BCKDHB: variants seen among roughly 807,000 people sequenced by gnomAD.
The protein encoded by BCKDHB is branched chain keto acid dehydrogenase E1 subunit beta.
In BCKDHB, 41 loss-of-function variants were observed where a neutral mutation model predicts 48.5. That is an observed-to-expected ratio of 0.85 (90% CI 0.66 to 1.10). BCKDHB has a LOEUF of 1.10. Among genes scored for constraint, BCKDHB ranks in the 50% least tolerant of loss-of-function variants. The pLI is 0.00. For missense variants in BCKDHB, 496 were observed against 494.2 expected, an observed-to-expected ratio of 1.00 and a Z score of -0.03; for synonymous variants, 201 against 174.8, an observed-to-expected ratio of 1.15 and a Z score of -1.18.
chr6:80,411,640 A>G, the BCKDHB span, among the ~76,000 whole-genome samples: 1 of 152,150 alleles, frequency 6.6e-6, no homozygotes, highest in Non-Finnish European at 1.5e-5. Flanking sequence ...CTTCCTGGCC[A>G]CCTTGTTTAC....
the BCKDHB span, among the ~76,000 whole-genome samples, chr6:80,456,219 A>G: frequency 9.9e-5 from 15 of 151,972 alleles, no homozygotes; most frequent in South Asian, 2.7e-3. Flanking sequence ...CCATCTCAAA[A>G]AAAGAAAGAA....
At chr6:80,400,606 A>G in the BCKDHB span, among the ~76,000 whole-genome samples, 3 of 151,902 alleles carry the variant, frequency 2.0e-5, no homozygotes, top group African/African-American at 4.8e-5. Flanking sequence ...AAGGGAACAC[A>G]TATACTGTTG....
chr6:80,449,172 A>G, the BCKDHB span, among the ~76,000 whole-genome samples: 1 of 152,218 alleles, frequency 6.6e-6, no homozygotes, highest in Non-Finnish European at 1.5e-5. Flanking sequence ...TCTAGAACAG[A>G]TTCCTCCTCT....
At chr6:80,126,936 C>T (rs998220115) in intron 1 of BCKDHB, among the ~76,000 whole-genome samples, 3 of 152,092 alleles carry the variant, frequency 2.0e-5, no homozygotes, top group Admixed American at 6.6e-5. Flanking sequence ...ATTACATGTA[C>T]TGCTTCATTT....
the BCKDHB span, among the ~76,000 whole-genome samples, chr6:80,403,191 G>A: frequency 8.6e-5 from 13 of 151,620 alleles, no homozygotes; most frequent in Non-Finnish European, 1.8e-4. Context: ...AGATCACTTT[G>A]TGTGGCCATT....
At chr6:80,443,402 T>C in the BCKDHB span, 1 of 141,852 alleles carries the variant, frequency 7.0e-6, no homozygotes, top group Non-Finnish European at 1.5e-5. Context: ...ACTCTCTTTT[T>C]TCCTTGAATG....
intron 3 of BCKDHB, among the ~76,000 whole-genome samples, chr6:80,162,876 G>GA (rs1772386586): frequency 2.6e-5 from 4 of 151,698 alleles, no homozygotes; most frequent in Admixed American, 2.6e-4. Flanking sequence ...AAACTCTCTT[G>GA]ACCCCATATT....
the BCKDHB span, among the ~76,000 whole-genome samples, chr6:80,386,983 C>T: frequency 2.6e-5 from 4 of 151,672 alleles, no homozygotes; most frequent in African/African-American, 7.3e-5. Context: ...TTCTCCCATC[C>T]CCCCCCAAGG....
chr6:80,432,304 A>G, the BCKDHB span, among the ~76,000 whole-genome samples: 1 of 152,032 alleles, frequency 6.6e-6, no homozygotes, highest in Non-Finnish European at 1.5e-5. Context: ...CTGCCCATCA[A>G]TTTCAGGTAC....
At chr6:80,331,027 A>G (rs1238220496) in intron 9 of BCKDHB, among the ~76,000 whole-genome samples, 3 of 152,174 alleles carry the variant, frequency 2.0e-5, no homozygotes, top group Non-Finnish European at 2.9e-5. Context: ...GTATATTTCT[A>G]TCTTGAAACT....
chr6:80,297,982 T>TC lies in BCKDHB; in HGVS notation c.1038+24766dup, dbSNP rs1260748599. Among the ~76,000 whole-genome samples, 35 of 151,604 alleles carry TC rather than the reference T, an allele frequency of 2.3e-4. No homozygotes were observed. In the South Asian group the frequency reaches 2.7e-3, roughly 12 times the overall value. On this transcript the variant is annotated intron_variant, in intron 9 of 9. Transcript: ENST00000320393. ...TGAGAAAAACAGAGGATTTTTTTTT[T>TC]CCCCCAAAATAGGGTCTGTGCTGCC...
At chr6:80,429,158 G>T in the BCKDHB span, among the ~76,000 whole-genome samples, 3 of 152,112 alleles carry the variant, frequency 2.0e-5, no homozygotes, top group African/African-American at 4.8e-5. Context: ...TTTGTGTCAG[G>T]TTTGTCAAAG....
the BCKDHB span, among the ~76,000 whole-genome samples, chr6:80,387,144 G>C: frequency 1.3e-5 from 2 of 152,156 alleles, no homozygotes; most frequent in African/African-American, 4.8e-5. Context: ...GAGGCTTATG[G>C]AGGTCAGGTA....
At chr6:80,311,262 T>A (rs114402784) in intron 9 of BCKDHB, among the ~76,000 whole-genome samples, 2,324 of 152,298 alleles carry the variant, frequency 0.015, 80 homozygotes, top group African/African-American at 0.052. Flanking sequence ...TCCAACCACA[T>A]GGAACTGCAA....
chr6:80,182,833 G>A (rs1048704078), intron 6 of BCKDHB, among the ~76,000 whole-genome samples: 1 of 152,034 alleles, frequency 6.6e-6, no homozygotes, highest in East Asian at 1.9e-4. Flanking sequence ...ATACAAATAA[G>A]AGCATGTTAC....
chr6:80,409,762 T>C, the BCKDHB span, among the ~76,000 whole-genome samples: 1 of 151,478 alleles, frequency 6.6e-6, no homozygotes, highest in Non-Finnish European at 1.5e-5. Context: ...TGCTTTTTGC[T>C]TTCCATTTAC....
intron 9 of BCKDHB, among the ~76,000 whole-genome samples, chr6:80,303,883 A>G (rs1234271328): frequency 6.6e-6 from 1 of 152,102 alleles, no homozygotes; most frequent in Non-Finnish European, 1.5e-5. Context: ...GCATGAATTT[A>G]CTTAATGTCA....
At chr6:80,265,144 A>G (rs552398347) in intron 8 of BCKDHB, among the ~76,000 whole-genome samples, 1 of 152,108 alleles carries the variant, frequency 6.6e-6, no homozygotes, top group African/African-American at 2.4e-5. Flanking sequence ...GGAAATTACT[A>G]TGACTATTTC....
chr6:80,163,413 A>G (rs1378071050), intron 3 of BCKDHB, among the ~76,000 whole-genome samples: 8 of 151,488 alleles, frequency 5.3e-5, no homozygotes, highest in Non-Finnish European at 1.2e-4. Context: ...TAATAGCAGT[A>G]TAGACACAAG....
Sources: allele counts gnomAD v4.1 joint callset (sites outside exome capture counted in the v4.1 genomes callset), GRCh38; gene constraint gnomAD v4.1.1; transcripts MANE v1.5; gene names NCBI Gene and HGNC (gene_info 2026-07-23, HGNC 2026-07-21).